The following GRIK2 variants were observed in gnomAD, a reference collection of about 807,000 sequenced individuals.
GRIK2 encodes the protein glutamate ionotropic receptor kainate type subunit 2.
Under a neutral mutation model 100.3 loss-of-function variants are expected in GRIK2, and 32 were observed. The observed-to-expected ratio is 0.32, with a 90% CI of 0.24 to 0.43. The LOEUF (loss-of-function observed/expected upper bound fraction) is 0.43. GRIK2 is among the 20% of genes least tolerant of loss of function. GRIK2 has a pLI of 1.00. For missense variants in GRIK2, 843 were observed against 1,114.9 expected (o/e 0.76, Z 3.47); for synonymous variants, 417 against 389.4 (o/e 1.07, Z -0.83).
intron 4 of GRIK2, among the ~76,000 whole-genome samples, chr6:101,636,940 A>G (rs1781049367): frequency 6.6e-6 from 1 of 152,032 alleles, no homozygotes; most frequent in Non-Finnish European, 1.5e-5. Flanking sequence ...AGTGGGAAGG[A>G]TAGTTCTTGT....
At chr6:101,841,272 G>T (rs1179603257) in intron 10 of GRIK2, among the ~76,000 whole-genome samples, 1 of 152,072 alleles carries the variant, frequency 6.6e-6, no homozygotes, top group Non-Finnish European at 1.5e-5. Context: ...TACTTAAATA[G>T]ATTTTAGAGG....
chr6:101,817,904 C>G (rs1391950053), intron 9 of GRIK2, among the ~76,000 whole-genome samples: 6 of 152,164 alleles, frequency 3.9e-5, no homozygotes. Flanking sequence ...GTGCAAAATA[C>G]TATTCAATGC....
intron 4 of GRIK2, among the ~76,000 whole-genome samples, chr6:101,654,328 T>C (rs138092972): frequency 3.3e-5 from 5 of 152,286 alleles, no homozygotes; most frequent in Non-Finnish European, 7.4e-5. Context: ...TCCCCAGTCC[T>C]GTATTAGAAC....
chr6:101,778,250 T>C (rs1447128247), intron 7 of GRIK2, among the ~76,000 whole-genome samples: 9 of 152,146 alleles, frequency 5.9e-5, no homozygotes, highest in Admixed American at 2.0e-4. Context: ...TGATGTTTAA[T>C]TTGCTAGGAT....
chr6:101,515,475 C>G (rs901092653), intron 2 of GRIK2, among the ~76,000 whole-genome samples: 1 of 152,108 alleles, frequency 6.6e-6, no homozygotes, highest in Admixed American at 6.6e-5. Flanking sequence ...ACTTTTAGTT[C>G]TTTAAGGAAG....
intron 4 of GRIK2, among the ~76,000 whole-genome samples, chr6:101,631,342 C>G (rs1349406418): frequency 1.3e-5 from 2 of 152,020 alleles, no homozygotes; most frequent in African/African-American, 4.8e-5. Flanking sequence ...GTTTATAGAT[C>G]AGCAGTCCAT....
At chr6:101,424,873 A>G (rs1302441720) in intron 2 of GRIK2, among the ~76,000 whole-genome samples, 5 of 152,036 alleles carry the variant, frequency 3.3e-5, no homozygotes, top group African/African-American at 4.8e-5. Flanking sequence ...AGCTTCATCC[A>G]TGTCCCTACA....
At chr6:102,013,802 T>C (rs1288802026) in intron 14 of GRIK2, among the ~76,000 whole-genome samples, 3 of 152,128 alleles carry the variant, frequency 2.0e-5, no homozygotes, top group African/African-American at 7.2e-5. Flanking sequence ...GGTGGATTTG[T>C]TTTTGATGTG....
chr6:101,693,316 A>G (rs1195184320), intron 7 of GRIK2, among the ~76,000 whole-genome samples: 1 of 152,078 alleles, frequency 6.6e-6, no homozygotes, highest in Non-Finnish European at 1.5e-5. Flanking sequence ...CACCCTGAAG[A>G]GCAAAATTTA....
Position 101,399,264 on chromosome 6 carries a change from G to C in GRIK2, c.-14G>C. ...CGGGGAAGTGGGTGCCGTGCGTGTG[G>C]GCACAGAAACACCATGAAGATTATT... On this transcript the variant is annotated 5_prime_UTR_variant, in exon 2 of 17. Transcript: ENST00000369134. 1 of 1,284,638 alleles carries C rather than the reference G, an allele frequency of 7.8e-7. No individual in the cohort carries two copies. Among genetic ancestry groups the C allele is most frequent in the Non-Finnish European group, 1.1e-6 (1 of 878,936 alleles). 79.6% of individuals were successfully genotyped at this position (1,284,638 alleles called of 1,614,324 possible). A position where few individuals can be genotyped will look rare whatever the true frequency, so the allele number is the denominator to read the frequency against.
intron 7 of GRIK2, among the ~76,000 whole-genome samples, chr6:101,753,146 G>A (rs1254196292): frequency 6.6e-6 from 1 of 151,968 alleles, no homozygotes; most frequent in Non-Finnish European, 1.5e-5. Context: ...GCCTGGCGTG[G>A]TGGCGGGCGC....
intron 2 of GRIK2, among the ~76,000 whole-genome samples, chr6:101,545,901 G>A (rs976232149): frequency 4.0e-5 from 6 of 151,852 alleles, no homozygotes; most frequent in Admixed American, 6.6e-5. Context: ...CTATTTCCAA[G>A]AGGTTAGAAT....
intron 10 of GRIK2, among the ~76,000 whole-genome samples, chr6:101,845,323 T>C (rs966133420): frequency 1.1e-4 from 16 of 152,176 alleles, no homozygotes; most frequent in Non-Finnish European, 1.0e-4. Context: ...CATTTGTTTT[T>C]ACCCATGAGG....
At chr6:101,465,715 T>G (rs1771609666) in intron 2 of GRIK2, among the ~76,000 whole-genome samples, 1 of 152,192 alleles carries the variant, frequency 6.6e-6, no homozygotes, top group African/African-American at 2.4e-5. Context: ...TCCTAAAACC[T>G]TTGCAGTTGC....
At chr6:101,839,586 A>C (rs950550165) in intron 10 of GRIK2, among the ~76,000 whole-genome samples, 1 of 152,194 alleles carries the variant, frequency 6.6e-6, no homozygotes, top group African/African-American at 2.4e-5. Flanking sequence ...TGGGGGTTTT[A>C]AAGATCCCTT....
chr6:102,015,697 G>A (rs768180840), intron 14 of GRIK2, among the ~76,000 whole-genome samples: 2 of 152,176 alleles, frequency 1.3e-5, no homozygotes, highest in African/African-American at 2.4e-5. Flanking sequence ...AAATGAGTAT[G>A]GATCCCACTG....
At chr6:101,839,808 C>T (rs2764230) in intron 10 of GRIK2, among the ~76,000 whole-genome samples, 43,791 of 151,966 alleles carry the variant, frequency 0.29, 9,177 homozygotes, top group East Asian at 0.68. Context: ...AGGAAGACAT[C>T]TTTCTGATAA....
intron 7 of GRIK2, among the ~76,000 whole-genome samples, chr6:101,713,148 AG>A (rs1482706520): frequency 6.6e-6 from 1 of 151,830 alleles, no homozygotes; most frequent in Admixed American, 6.6e-5. Context: ...CTATGACGAA[AG>A]GCCAGCATCC....
intron 2 of GRIK2, among the ~76,000 whole-genome samples, chr6:101,515,511 G>C (rs932108092): frequency 6.6e-6 from 1 of 152,086 alleles, no homozygotes; most frequent in African/African-American, 2.4e-5. Context: ...TATAGTGGCT[G>C]TACTAGTTTA....
Sources: gnomAD v4.1 joint callset for allele counts (sites outside exome capture counted in the v4.1 genomes callset) on GRCh38, gnomAD v4.1.1 for gene constraint, MANE v1.5 for transcripts, NCBI Gene and HGNC (gene_info 2026-07-23, HGNC 2026-07-21) for gene names.